Variants in ASTN2 observed in about 807,000 individuals in gnomAD.
ASTN2 encodes astrotactin 2.
A neutral mutation model predicts 139.8 loss-of-function variants in ASTN2; 54 were observed. That is an observed-to-expected ratio of 0.39 (90% CI 0.31 to 0.48). The LOEUF (loss-of-function observed/expected upper bound fraction) is 0.48. ASTN2 is among the 20% of genes least tolerant of loss of function. The pLI is 0.95. For synonymous variants in ASTN2, 756 were observed against 719.5 expected (o/e 1.05, Z -0.81); for missense variants, 1,565 against 1,725.1 (o/e 0.91, Z 1.64).
At chr9:117,350,436 G>C (rs1365949399) in intron 1 of ASTN2, among the ~76,000 whole-genome samples, 1 of 151,942 alleles carries the variant, frequency 6.6e-6, no homozygotes, top group Non-Finnish European at 1.5e-5. Context: ...TGTAATCCCA[G>C]CTACTTGGGA....
At chr9:116,732,888 AATCT>A (rs1474344606) in intron 14 of ASTN2, among the ~76,000 whole-genome samples, 1 of 152,146 alleles carries the variant, frequency 6.6e-6, no homozygotes, top group Non-Finnish European at 1.5e-5. Context: ...ATAGCTTCCT[AATCT>A]ATCAAATGGT....
At chr9:117,153,486 C>T (rs1830367826) in intron 3 of ASTN2, among the ~76,000 whole-genome samples, 1 of 152,148 alleles carries the variant, frequency 6.6e-6, no homozygotes, top group Non-Finnish European at 1.5e-5. Flanking sequence ...GACTGAAACA[C>T]AACCCTTCAA....
chr9:117,166,797 C>T (rs1830680131), intron 3 of ASTN2, among the ~76,000 whole-genome samples: 1 of 152,100 alleles, frequency 6.6e-6, no homozygotes, highest in Non-Finnish European at 1.5e-5. Flanking sequence ...CCATAGACTG[C>T]AAACTCCCCT....
intron 5 of ASTN2, among the ~76,000 whole-genome samples, chr9:117,046,701 G>A (rs993789835): frequency 5.3e-5 from 8 of 152,132 alleles, no homozygotes; most frequent in African/African-American, 1.9e-4. Context: ...CCTTTAATTG[G>A]GAATTAGTTC....
At chr9:116,835,029 G>A (rs879256477) in intron 11 of ASTN2, among the ~76,000 whole-genome samples, 5 of 152,090 alleles carry the variant, frequency 3.3e-5, no homozygotes, top group Admixed American at 6.5e-5. Flanking sequence ...AGACGACAGA[G>A]CAAAATGCTG....
At chr9:117,225,561 A>ATGTATGTATGTATGTATG (rs1832685450) in intron 2 of ASTN2, among the ~76,000 whole-genome samples, 1 of 112,296 alleles carries the variant, frequency 8.9e-6, no homozygotes, top group African/African-American at 3.5e-5. Flanking sequence ...ATATATATAT[A>ATGTATGTATGTATGTATG]TATATATATA....
chr9:117,071,266 T>G (rs980797667), intron 5 of ASTN2, among the ~76,000 whole-genome samples: 5 of 151,500 alleles, frequency 3.3e-5, no homozygotes, highest in South Asian at 4.2e-4. Flanking sequence ...TGGAATACCC[T>G]GCCGTGTGAG....
rs1290565780 is a variant in ASTN2 at position 116,745,826 on chromosome 9, A to G, written c.2397-12303T>C. ...CACAAATATGTCATTAGCTCCATGT[A>G]TTAGCATTCTATTGCAGCTGTAAAA... On this transcript the variant is annotated intron_variant, in intron 13 of 22. Coordinates refer to ENST00000313400, the MANE Select transcript of ASTN2 (RefSeq NM_001365068.1). Among the ~76,000 whole-genome samples, 4 of 152,232 alleles carry G rather than the reference A, an allele frequency of 2.6e-5. No individual in the cohort carries two copies. The South Asian group carries it at 6.2e-4, about 24-fold the overall frequency.
chr9:117,096,228 T>G lies in ASTN2; in HGVS notation c.1169-77A>C. 2.6e-6 allele frequency: 3 copies of G among 1,166,630 alleles called. No individual in the cohort carries two copies. The Admixed American group carries it at 5.6e-5, about 22-fold the overall frequency. The allele number at this position is 1,166,630 out of a possible 1,614,324, so 72.3% of individuals were successfully genotyped here. On this transcript the variant is annotated intron_variant, in intron 4 of 22. Transcript: ENST00000313400. ...TGAGATTCCTCAACCATCCCAGAGA[T>G]CAGCAATCCCATCCCCAGACTTTTC...
rs147462644 is a variant in ASTN2, at chr9:117,215,130, G to A, written c.631-388C>T. The stretch of plus-strand genomic sequence containing the variant: ...TGCGGCTTCACACAGGTGAATGTCT[G>A]AATCTAGACTCCATCTCCCACCAGC... On this transcript the variant is annotated intron_variant, in intron 2 of 22. Transcript: ENST00000313400. Among the ~76,000 whole-genome samples, 507 of 152,224 alleles carry A rather than the reference G, an allele frequency of 3.3e-3. 5 individuals are homozygous for A. The highest frequency in any genetic ancestry group is 0.011 in the African/African-American group (460 of 41,526).
intron 19 of ASTN2, among the ~76,000 whole-genome samples, chr9:116,498,790 C>G (rs16933627): frequency 0.039 from 5,972 of 152,272 alleles, 422 homozygotes; most frequent in African/African-American, 0.14. Context: ...TGCCAATGTT[C>G]AGCTCCAAGG....
intron 20 of ASTN2, among the ~76,000 whole-genome samples, chr9:116,457,251 A>C (rs959875589): frequency 1.3e-5 from 2 of 152,186 alleles, no homozygotes; most frequent in African/African-American, 4.8e-5. Context: ...CGAAACTACT[A>C]CAAGAAAACA....
intron 17 of ASTN2, among the ~76,000 whole-genome samples, chr9:116,641,835 C>T (rs1026812478): frequency 1.3e-5 from 2 of 151,998 alleles, no homozygotes; most frequent in African/African-American, 4.8e-5. Flanking sequence ...ATGTGGATTA[C>T]TTCTCCCTCT....
intron 13 of ASTN2, among the ~76,000 whole-genome samples, chr9:116,740,369 G>A (rs868745847): frequency 1.9e-4 from 29 of 152,236 alleles, no homozygotes; most frequent in Admixed American, 1.3e-3. Context: ...GAACTCATAC[G>A]CACATGGATA....
At chr9:117,065,248 C>A (rs1208421159) in intron 5 of ASTN2, among the ~76,000 whole-genome samples, 2 of 152,122 alleles carry the variant, frequency 1.3e-5, no homozygotes, top group Non-Finnish European at 2.9e-5. Flanking sequence ...ATTCTGGCCT[C>A]AAAAACTGAG....
chr9:116,954,499 T>G (rs1260233412), intron 10 of ASTN2, among the ~76,000 whole-genome samples: 1 of 152,184 alleles, frequency 6.6e-6, no homozygotes, highest in African/African-American at 2.4e-5. Context: ...CTTGACAAAC[T>G]TTTTCTGCAA....
chr9:116,722,462 T>C (rs1213903190), intron 16 of ASTN2, among the ~76,000 whole-genome samples: 1 of 152,170 alleles, frequency 6.6e-6, no homozygotes. Flanking sequence ...CCCCAGATCA[T>C]AAAAGTGGCC....
chr9:116,938,090 A>G (rs1454240254), intron 10 of ASTN2, among the ~76,000 whole-genome samples: 1 of 152,202 alleles, frequency 6.6e-6, no homozygotes, highest in Non-Finnish European at 1.5e-5. Context: ...CATGCAGTGG[A>G]GTGACAGAAA....
At chr9:116,643,453 CTA>C (rs1194014931) in intron 17 of ASTN2, among the ~76,000 whole-genome samples, 2 of 152,114 alleles carry the variant, frequency 1.3e-5, no homozygotes, top group Non-Finnish European at 2.9e-5. Flanking sequence ...AGATATGTGG[CTA>C]TGTTTCATAG....
Sources: gnomAD v4.1 joint callset for allele counts (sites outside exome capture counted in the v4.1 genomes callset) on GRCh38, gnomAD v4.1.1 for gene constraint, MANE v1.5 for transcripts, NCBI Gene and HGNC (gene_info 2026-07-23, HGNC 2026-07-21) for gene names.